The following ZNF717 variants were observed in gnomAD, a reference collection of about 807,000 sequenced individuals.
ZNF717 encodes zinc finger protein 717, also known as krueppel-like factor X17.
A neutral mutation model predicts 13.8 loss-of-function variants in ZNF717; 9 were observed. That is an observed-to-expected ratio of 0.65 (90% CI 0.39 to 1.14). The LOEUF is 1.14. ZNF717 is among the 50% of genes most tolerant of loss of function. ZNF717 has a pLI of 0.01. For synonymous variants in ZNF717, 327 were observed against 364.1 expected (o/e 0.90, Z 1.16); for missense variants, 1,040 against 1,080.7 (o/e 0.96, Z 0.53).
At chr3:75,744,554 G>A (rs1187445447) in intron 2 of ZNF717, among the ~76,000 whole-genome samples, 2 of 147,654 alleles carry the variant, frequency 1.4e-5, no homozygotes, top group African/African-American at 2.5e-5. Context: ...TTTGGAACCC[G>A]TGCTGGAGTA....
chr3:75,742,751 T>C (rs1246867784), intron 2 of ZNF717, among the ~76,000 whole-genome samples: 2 of 152,088 alleles, frequency 1.3e-5, no homozygotes, highest in East Asian at 3.9e-4. Flanking sequence ...AAAATTCTTA[T>C]GCACCTATCG....
chr3:75,734,693 C>T (rs1938926189), downstream of ZNF717, among the ~76,000 whole-genome samples: 1 of 149,444 alleles, frequency 6.7e-6, no homozygotes, highest in African/African-American at 2.5e-5. Context: ...CCTCGGCCTC[C>T]CAAAGTCCTG....
At chr3:75,764,761 C>T (rs1411260547) in intron 2 of ZNF717, among the ~76,000 whole-genome samples, 783 of 151,282 alleles carry the variant, frequency 5.2e-3, no homozygotes, top group African/African-American at 0.019. Context: ...GTAACAAGTG[C>T]AGGTGAAACT....
chr3:75,761,904 A>G (rs1012695242), intron 2 of ZNF717, among the ~76,000 whole-genome samples: 5 of 152,216 alleles, frequency 3.3e-5, no homozygotes, highest in African/African-American at 1.2e-4. Flanking sequence ...AAATACAAAA[A>G]TTAGCTGGGC....
chr3:75,764,427 A>G (rs980620208), intron 2 of ZNF717, among the ~76,000 whole-genome samples: 1 of 152,226 alleles, frequency 6.6e-6, no homozygotes, highest in African/African-American at 2.4e-5. Flanking sequence ...AAGTAACAGA[A>G]TAACATAATC....
At chr3:75,778,254 G>C (rs1476044168) in intron 2 of ZNF717, among the ~76,000 whole-genome samples, 2 of 147,628 alleles carry the variant, frequency 1.4e-5, no homozygotes, top group African/African-American at 5.0e-5. Flanking sequence ...GCTAAAACCG[G>C]AACCCAAAAC....
At chr3:75,730,218 T>A (rs1182323837) in exon 6 of ZNF717, 1 of 163,784 alleles carries the variant, frequency 6.1e-6, no homozygotes, top group Non-Finnish European at 1.3e-5. Flanking sequence ...AAGACCATAT[T>A]GGCATTTTAA....
rs1166356920 is a variant in ZNF717, at chr3:75,737,552, A to C, written c.2071T>G (p.Leu691Val). The C allele has an allele frequency of 6.4e-7, 1 of 1,550,906 alleles. No individual in the cohort carries two copies. The highest frequency in any genetic ancestry group is 8.7e-7 in the Non-Finnish European group (1 of 1,146,622). ...EKLFVRNHTLLYIRELTPGKS... is the reference protein window; with the variant it reads ...EKLFVRNHTLVYIRELTPGKS... ...CCCGGTGTGAGTTCTCTGATGTATA[A>C]TAAGGTATGATTTCTGACAAAAAGT... Residue 691 changes from leucine to valine, a missense_variant, in exon 5 of 5, where the codon TTA becomes GTA. Around this residue, in one of 3 missense-constraint regions of ZNF717, gnomAD observed 873 missense variants for 832.8 expected, o/e 1.05. Coordinates refer to ENST00000652011, the MANE Select transcript of ZNF717 (RefSeq NM_001290208.3).
chr3:75,751,857 A>G (rs1941856112), intron 2 of ZNF717, among the ~76,000 whole-genome samples: 1 of 151,664 alleles, frequency 6.6e-6, no homozygotes, highest in East Asian at 1.9e-4. Context: ...CTCACGTAAG[A>G]TTTCAGAACA....
chr3:75,709,013 T>TTC (rs1937872389), downstream of ZNF717, among the ~76,000 whole-genome samples: 1 of 149,114 alleles, frequency 6.7e-6, no homozygotes, highest in East Asian at 1.9e-4. Context: ...TTTTCTTTTT[T>TTC]TTTTTTAGAT....
At chr3:75,763,383 A>G (rs1167101081) in intron 2 of ZNF717, among the ~76,000 whole-genome samples, 1 of 152,200 alleles carries the variant, frequency 6.6e-6, no homozygotes, top group Non-Finnish European at 1.5e-5. Context: ...TCCAATAAGC[A>G]TTTCCTTTGA....
At chr3:75,726,553 A>T (rs1203132547), downstream of ZNF717, among the ~76,000 whole-genome samples, 1 of 152,272 alleles carries the variant, frequency 6.6e-6, no homozygotes, top group Non-Finnish European at 1.5e-5. Context: ...TTCCATGTGA[A>T]CCACACCATC....
chr3:75,699,446 A>G (rs1445065687), intron 6 of ZNF717, among the ~76,000 whole-genome samples: 1 of 152,410 alleles, frequency 6.6e-6, no homozygotes, highest in South Asian at 2.1e-4. Flanking sequence ...TGATTGAATC[A>G]TGACAGCAGG....
intron 2 of ZNF717, among the ~76,000 whole-genome samples, chr3:75,758,002 G>A (rs964978950): frequency 4.0e-5 from 6 of 149,074 alleles, no homozygotes; most frequent in African/African-American, 7.4e-5. Flanking sequence ...CCTGTAATCC[G>A]AAATACTTGG....
intron 4 of ZNF717, among the ~76,000 whole-genome samples, chr3:75,722,595 A>T (rs1259319962): frequency 2.0e-5 from 3 of 151,970 alleles, no homozygotes; most frequent in Non-Finnish European, 2.9e-5. Flanking sequence ...CGGGCGGATC[A>T]CTTGAGGTCA....
chr3:75,723,335 T>G (rs1388907823), intron 4 of ZNF717, among the ~76,000 whole-genome samples: 2 of 126,882 alleles, frequency 1.6e-5, no homozygotes, highest in Non-Finnish European at 3.3e-5. Flanking sequence ...CTGCAACCTC[T>G]GCCTTCCAGG....
chr3:75,732,903 C>T (rs1412072733), downstream of ZNF717, among the ~76,000 whole-genome samples: 2 of 150,978 alleles, frequency 1.3e-5, no homozygotes, highest in Non-Finnish European at 2.9e-5. Flanking sequence ...CCAGACACAC[C>T]TATGATATTG....
At chr3:75,739,666 G>C (rs1357372522) in intron 4 of ZNF717, among the ~76,000 whole-genome samples, 2 of 125,896 alleles carry the variant, frequency 1.6e-5, no homozygotes, top group African/African-American at 6.2e-5. Context: ...ATTGTCATAT[G>C]TTTTCTCTCT....
chr3:75,734,942 A>ATC (rs1938978381), downstream of ZNF717, among the ~76,000 whole-genome samples: 2 of 148,732 alleles, frequency 1.3e-5, no homozygotes, highest in African/African-American at 5.0e-5. Context: ...TCTCCTGTCC[A>ATC]AGCCTCCCGA....
Sources: allele counts gnomAD v4.1 joint callset (sites outside exome capture counted in the v4.1 genomes callset), GRCh38; gene constraint gnomAD v4.1.1; regional missense constraint gnomAD v4.1.1; transcripts MANE v1.5; gene names NCBI Gene and HGNC (gene_info 2026-07-23, HGNC 2026-07-21).